CIBAR2: variants seen among roughly 807,000 people sequenced by gnomAD.
CIBAR2 encodes CBY1 interacting BAR domain containing 2, also known as CBY1-interacting BAR domain-containing protein 2.
In CIBAR2, 38 loss-of-function variants were observed where a neutral mutation model predicts 36.2. The observed-to-expected ratio is 1.05, with a 90% confidence interval of 0.81 to 1.38. CIBAR2 has a LOEUF of 1.38. CIBAR2 is among the 40% of genes most tolerant of loss of function. The pLI, the probability that CIBAR2 is intolerant of heterozygous loss-of-function variation, is 0.00. For synonymous variants in CIBAR2, 182 were observed against 149.5 expected, an observed-to-expected ratio of 1.22 and a Z score of -1.58; for missense variants, 481 against 383.4, an observed-to-expected ratio of 1.25 and a Z score of -2.13.
At chr16:85,100,105 T>G in intron 8 of CIBAR2, 34 bp downstream of exon 8, 1 of 1,544,834 alleles carries the variant, frequency 6.5e-7, no homozygotes, top group Non-Finnish European at 8.9e-7. Context: ...GCACGACATT[T>G]TAGGTGTAAC....
At chr16:85,111,791 C>T (rs961927132) in intron 1 of CIBAR2, among the ~76,000 whole-genome samples, 2 of 152,210 alleles carry the variant, frequency 1.3e-5, no homozygotes, top group Non-Finnish European at 2.9e-5. Context: ...TTGCAGTGAG[C>T]CGAGATCGAG....
chr16:85,106,344 C>T (rs563363056), intron 5 of CIBAR2, among the ~76,000 whole-genome samples: 1 of 152,310 alleles, frequency 6.6e-6, no homozygotes, highest in East Asian at 1.9e-4. Flanking sequence ...AAGATGTCTG[C>T]ATCCTAATCC....
chr16:85,108,037 C>T lies in CIBAR2; in HGVS notation c.318G>A (p.Gln106=). The T allele has an allele frequency of 6.2e-7, 1 of 1,613,812 alleles. No individual in the cohort carries two copies. The highest frequency in any genetic ancestry group is 2.2e-5 in the East Asian group (1 of 44,874). The change falls in exon 3 of 9, where the codon CAG becomes CAA. Residue 106 remains glutamine, a synonymous_variant. Coordinates refer to ENST00000539556, the MANE Select transcript of CIBAR2 (RefSeq NM_198491.3). ...CCGAGGTGCCCCGGCTCACCCGTGT[C>T]TGCTTGATCTGTGCCCCGTAGAGCT... ...PLKLYGAQIK[Q]TRAEIKKFKH... is the part of the protein sequence containing the mutation.
intron 7 of CIBAR2, among the ~76,000 whole-genome samples, chr16:85,100,837 G>T (rs1002671881): frequency 1.3e-5 from 2 of 152,182 alleles, no homozygotes; most frequent in Admixed American, 6.5e-5. Flanking sequence ...CATGAGGTCA[G>T]GAGATCAAGA....
intron 4 of CIBAR2, 43 bp downstream of exon 4, chr16:85,107,803 C>T (rs528530207): frequency 2.5e-6 from 4 of 1,585,938 alleles, no homozygotes; most frequent in African/African-American, 1.3e-5. Flanking sequence ...TGAGTGGACA[C>T]CCTGGCCCGG....
In CIBAR2 at chr16:85,107,872, TC is replaced by T. The variant is rs756693719; in HGVS notation, c.399del (p.Lys134SerfsTer8). On this transcript the variant is annotated frameshift_variant, in exon 4 of 9. Coordinates refer to ENST00000539556, the MANE Select transcript of CIBAR2 (RefSeq NM_198491.3). LOFTEE classifies it high-confidence loss of function. ...ATCATTTGCTGATCCGAGGGTGACT[TC>T]TGCCTCAGTTTCTCCAGTTTTTCCA... ...KQLEKLEKLR[Q>X]KSPSDQQMIS... is the part of the protein sequence containing the mutation. The T allele has an allele frequency of 6.2e-7, 1 of 1,614,074 alleles. No homozygotes were observed. Among genetic ancestry groups the T allele is most frequent in the Non-Finnish European group, 8.5e-7 (1 of 1,179,920 alleles).
At position 85,099,858 on chromosome 16, in the gene CIBAR2, G is replaced by A. The variant is rs577805097; in HGVS notation, c.753+281C>T. Among the ~76,000 whole-genome samples, 66 of 139,606 alleles carry A rather than the reference G, an allele frequency of 4.7e-4. 1 individual carries two copies. Among genetic ancestry groups the A allele is most frequent in the Non-Finnish European group, 2.0e-4 (13 of 66,348 alleles). The allele number at this position is 139,606 out of a possible 152,430, so 91.6% of individuals were successfully genotyped here. On this transcript the variant is annotated intron_variant, in intron 8 of 8. Coordinates refer to ENST00000539556, the MANE Select transcript of CIBAR2 (RefSeq NM_198491.3). The stretch of plus-strand genomic sequence containing the variant: ...GGGTTTCAACATTTTGGCCAGGCTG[G>A]TCTCGAACTCCTGACCTCAAGTGAT...
Position 85,110,458 on chromosome 16 carries a change from T to G in CIBAR2, c.23A>C (p.Asp8Ala). ...ATTCTCCATCACCCTCACCTGGCTG[T>G]CCCTGTGGAGGCGGGGACCTGAGCA... MNIVFSR[D>A]SQVRVMENTV... Residue 8 changes from aspartate (D) to alanine (A), a missense_variant and splice_region_variant, in exon 2 of 9, where the codon GAC (aspartate) becomes GCC (alanine). Physicochemically the swap from Asp to Ala is moderately radical, Grantham distance 126. Transcript: ENST00000539556. 6.3e-7 allele frequency: 1 copy of G among 1,589,500 alleles called. No individual in the cohort carries two copies. Among genetic ancestry groups the G allele is most frequent in the Non-Finnish European group, 8.6e-7 (1 of 1,164,322 alleles).
intron 2 of CIBAR2, among the ~76,000 whole-genome samples, chr16:85,108,366 T>C (rs72807613): frequency 0.12 from 18,811 of 152,238 alleles, 1,222 homozygotes; most frequent in Middle Eastern, 0.18. Context: ...TGGATGCACC[T>C]ACCAGGGTTT....
intron 1 of CIBAR2, among the ~76,000 whole-genome samples, chr16:85,110,849 C>T (rs144437511): frequency 0.053 from 8,118 of 151,866 alleles, 713 homozygotes; most frequent in African/African-American, 0.19. Context: ...GGATTACAGG[C>T]GCCTGCCACC....
chr16:85,111,851 A>G, intron 1 of CIBAR2, among the ~76,000 whole-genome samples: 1 of 152,220 alleles, frequency 6.6e-6, no homozygotes, highest in East Asian at 1.9e-4. Context: ...GTCCATCTCA[A>G]AAAAATAAAA....
At chr16:85,100,852 C>T (rs973955189) in intron 7 of CIBAR2, among the ~76,000 whole-genome samples, 34 of 152,168 alleles carry the variant, frequency 2.2e-4, no homozygotes, top group African/African-American at 8.2e-4. Flanking sequence ...TCAAGACCAT[C>T]CTGGCTAACA....
chr16:85,102,894 C>A (rs960641089), intron 6 of CIBAR2, among the ~76,000 whole-genome samples: 2 of 143,840 alleles, frequency 1.4e-5, no homozygotes, highest in Non-Finnish European at 3.0e-5. Context: ...CTGGAGATCT[C>A]TTCACAGGAG....
intron 6 of CIBAR2, among the ~76,000 whole-genome samples, chr16:85,104,402 G>C (rs1390363777): frequency 6.6e-6 from 1 of 152,176 alleles, no homozygotes; most frequent in African/African-American, 2.4e-5. Context: ...TGATGAATTG[G>C]ACCTGCCTTT....
intron 1 of CIBAR2, among the ~76,000 whole-genome samples, chr16:85,111,127 G>T (rs1027201209): frequency 6.6e-6 from 1 of 151,950 alleles, no homozygotes; most frequent in Non-Finnish European, 1.5e-5. Context: ...GCCTCCTCAC[G>T]CCCTCTCCTT....
rs763868133 is a variant in CIBAR2, at chr16:85,102,271, C to T, written c.594G>A (p.Glu198=). The T allele has an allele frequency of 3.1e-6, 5 of 1,613,882 alleles. No individual in the cohort carries two copies. The South Asian group carries it at 5.5e-5, about 18-fold the overall frequency. ...GGGTCTGGAAGGCGCTAGAATACAC[C>T]TCCACCGCTTTGGCATGGAAAACCA... The part of the protein sequence containing the change: ...IEMVFHAKAV[E]VYSSAFQTLE... Residue 198 remains glutamate, a synonymous_variant, in exon 7 of 9, where the codon GAG becomes GAA. Transcript: ENST00000539556.
rs1039743249 is a variant in CIBAR2 at position 85,105,358 on chromosome 16, C to T, written c.506G>A (p.Gly169Asp). The T allele has an allele frequency of 6.2e-7, 1 of 1,613,622 alleles. No individual in the cohort carries two copies. Among genetic ancestry groups the T allele is most frequent in the East Asian group, 2.2e-5 (1 of 44,892 alleles). The change falls in exon 6 of 9, where the codon GGC becomes GAC. Residue 169 changes from glycine to aspartate, a missense_variant. Transcript: ENST00000539556. ...GTCCTTGAGCTTCTGCCTCTGGAAG[C>T]CATCCACAGTCTCCTCCAGCTGGAG... Reference protein sequence around the residue: ...TTLQLEETVDGFQRQKLKDLQ... With the variant: ...TTLQLEETVDDFQRQKLKDLQ...
rs759520042 is a variant in CIBAR2 at position 85,102,312 on chromosome 16, A to G, written c.553T>C (p.Phe185Leu). 1 of 1,611,368 alleles carries G rather than the reference A, an allele frequency of 6.2e-7. No individual in the cohort carries two copies. Among genetic ancestry groups the G allele is most frequent in the South Asian group, 1.1e-5 (1 of 91,022 alleles). ...LKDLQKFFCDFVTIEMVFHAK... is the reference protein window; with the variant it reads ...LKDLQKFFCDLVTIEMVFHAK... The stretch of plus-strand genomic sequence containing the variant: ...TGGAAAACCATCTCAATAGTTACAA[A>G]GTCACAAAAAAATTTCTGTGGGGAG... The change falls in exon 7 of 9, where the codon TTT becomes CTT. Residue 185 changes from phenylalanine to leucine, a missense_variant. Phe to Leu is a conservative substitution (Grantham distance 22). Coordinates refer to ENST00000539556, the MANE Select transcript of CIBAR2 (RefSeq NM_198491.3).
At chr16:85,107,300 A>G (rs1259448968) in intron 5 of CIBAR2, among the ~76,000 whole-genome samples, 2 of 152,120 alleles carry the variant, frequency 1.3e-5, no homozygotes, top group African/African-American at 4.8e-5. Flanking sequence ...TAAGACAGAC[A>G]GCATGCGGGG....
Sources: allele counts gnomAD v4.1 joint callset (sites outside exome capture counted in the v4.1 genomes callset), GRCh38; gene constraint gnomAD v4.1.1; transcripts MANE v1.5; gene names NCBI Gene and HGNC (gene_info 2026-07-23, HGNC 2026-07-21).